Variants in ARHGEF28 observed in about 807,000 individuals in gnomAD.
The protein encoded by ARHGEF28 is 190 kDa guanine nucleotide exchange factor.
Under a neutral mutation model 206.6 loss-of-function variants are expected in ARHGEF28, and 152 were observed. The ratio of observed to expected loss-of-function variants is 0.74; its 90% confidence interval spans 0.64 to 0.84. The LOEUF (loss-of-function observed/expected upper bound fraction) is 0.84, where lower values mean the gene tolerates loss of function less well. Among genes scored for constraint, ARHGEF28 ranks in the 40% least tolerant of loss-of-function variants. The probability of loss-of-function intolerance (pLI) is 0.00; values close to 1 mark genes in which losing one functional copy is unlikely to be tolerated. For synonymous variants in ARHGEF28, 763 were observed against 776.4 expected, an observed-to-expected ratio of 0.98 and a Z score of 0.29; for missense variants, 2,028 against 2,073.2, an observed-to-expected ratio of 0.98 and a Z score of 0.42.
chr5:73,861,301 G>C (rs201959357), intron 16 of ARHGEF28, among the ~76,000 whole-genome samples: 1 of 118,854 alleles, frequency 8.4e-6, no homozygotes, highest in Admixed American at 8.1e-5. Flanking sequence ...AAAATATCTA[G>C]GATACATTTA....
At position 73,785,295 on chromosome 5, in the gene ARHGEF28, T is replaced by C. The variant is rs958887274; in HGVS notation, c.910+4550T>C. 5.9e-5 allele frequency among the ~76,000 whole-genome samples: 9 copies of C among 152,308 alleles called. No homozygotes were observed. In the South Asian group the frequency reaches 8.3e-4, roughly 14 times the overall value. On this transcript the variant is annotated intron_variant, in intron 7 of 35. Coordinates refer to ENST00000513042, the MANE Select transcript of ARHGEF28 (RefSeq NM_001177693.2). ...TTAACTTAGCAGTTCTCTAAATTAA[T>C]GGATCACACGAGAGTCCTTTTTTCG...
At chr5:73,921,664 A>T (rs1428928003) in intron 35 of ARHGEF28, among the ~76,000 whole-genome samples, 2 of 152,130 alleles carry the variant, frequency 1.3e-5, no homozygotes, top group Admixed American at 1.3e-4. Flanking sequence ...TTTTTGTACA[A>T]GTTTTATTAC....
At chr5:73,814,829 C>T (rs1756083114) in intron 9 of ARHGEF28, among the ~76,000 whole-genome samples, 1 of 152,038 alleles carries the variant, frequency 6.6e-6, no homozygotes, top group Non-Finnish European at 1.5e-5. Flanking sequence ...GGCTTGTTTG[C>T]TCTTTAGCTT....
At position 73,684,809 on chromosome 5, in the gene ARHGEF28, A is replaced by G. The variant is rs553023795; in HGVS notation, c.-11-32A>G. 2.5e-6 allele frequency: 4 copies of G among 1,599,916 alleles called. 1 individual carries two copies. The South Asian group carries it at 3.4e-5, about 14-fold the overall frequency. On this transcript the variant is annotated intron_variant, in intron 1 of 35. Transcript: ENST00000513042. ...GGTCGGTTCCATGGGGCCTCCTGCA[A>G]TAACTTCTCTTGTTTATTATTTTCA...
At chr5:73,761,100 T>C (rs1258097007) in intron 4 of ARHGEF28, among the ~76,000 whole-genome samples, 1 of 151,032 alleles carries the variant, frequency 6.6e-6, no homozygotes, top group African/African-American at 2.4e-5. Flanking sequence ...GATTCGGGAC[T>C]GTAGAAGGTT....
At chr5:73,886,515 C>G (rs1376431892) in intron 25 of ARHGEF28, among the ~76,000 whole-genome samples, 1 of 152,200 alleles carries the variant, frequency 6.6e-6, no homozygotes, top group African/African-American at 2.4e-5. Flanking sequence ...AAAAAGAACT[C>G]TGAATGTCAT....
chr5:73,803,477 GT>G (rs1259713506), intron 9 of ARHGEF28: 7 of 154,950 alleles, frequency 4.5e-5, no homozygotes, highest in Non-Finnish European at 8.8e-5. Flanking sequence ...TCCACGAAGA[GT>G]TTCTGTATGG....
At position 73,933,920 on chromosome 5, in the gene ARHGEF28, GTT is replaced by G. The variant is rs398064906; in HGVS notation, c.4949-6912_4949-6911del. The stretch of plus-strand genomic sequence containing the variant: ...AATTTCTCTGGATTGTCTCATAAAT[GTT>G]TTTTTTTTTTTCCCCCTCAGTTTGT... On this transcript the variant is annotated intron_variant, in intron 35 of 35. Transcript: ENST00000513042. Among the ~76,000 whole-genome samples, 73 of 140,032 alleles carry G rather than the reference GTT, an allele frequency of 5.2e-4. 1 individual carries two copies. Among genetic ancestry groups the G allele is most frequent in the African/African-American group, 1.8e-3 (70 of 38,044 alleles). The allele number at this position is 140,032 out of a possible 152,430, so 91.9% of individuals were successfully genotyped here. A position where few individuals can be genotyped will look rare whatever the true frequency, so the allele number is the denominator to read the frequency against.
At chr5:73,806,531 ATATC>A (rs1484681456) in intron 9 of ARHGEF28, among the ~76,000 whole-genome samples, 8 of 132,146 alleles carry the variant, frequency 6.1e-5, no homozygotes, top group Admixed American at 1.6e-4. Flanking sequence ...TATATAGTAT[ATATC>A]TATATATAGT....
At chr5:73,723,298 C>T (rs1750073072) in intron 2 of ARHGEF28, among the ~76,000 whole-genome samples, 1 of 152,190 alleles carries the variant, frequency 6.6e-6, no homozygotes, top group South Asian at 2.1e-4. Context: ...AAGCAATGCT[C>T]CTGCCTCAGC....
At chr5:73,696,161 A>AG (rs1298109256) in intron 2 of ARHGEF28, among the ~76,000 whole-genome samples, 1 of 152,146 alleles carries the variant, frequency 6.6e-6, no homozygotes, top group Non-Finnish European at 1.5e-5. Flanking sequence ...AGAATCATTG[A>AG]GGGGAGGCAA....
chr5:73,645,165 T>G (rs746732425), intron 1 of ARHGEF28, among the ~76,000 whole-genome samples: 1 of 152,020 alleles, frequency 6.6e-6, no homozygotes, highest in Non-Finnish European at 1.5e-5. Flanking sequence ...AAAATCAAAT[T>G]ATTAAGTTGT....
At chr5:73,727,243 G>C (rs553188046) in intron 2 of ARHGEF28, among the ~76,000 whole-genome samples, 1 of 152,266 alleles carries the variant, frequency 6.6e-6, no homozygotes, top group East Asian at 1.9e-4. Context: ...AGATGGGCAA[G>C]TTTCTTCTTA....
chr5:73,816,895 T>A (rs1756247804), intron 9 of ARHGEF28, among the ~76,000 whole-genome samples: 1 of 152,086 alleles, frequency 6.6e-6, no homozygotes, highest in South Asian at 2.1e-4. Context: ...ATGATTGGAG[T>A]GGGCCAGAAT....
chr5:73,727,846 A>C (rs1196825157), intron 2 of ARHGEF28, among the ~76,000 whole-genome samples: 3 of 152,152 alleles, frequency 2.0e-5, no homozygotes, highest in African/African-American at 2.4e-5. Context: ...GCAGAGGACC[A>C]TGGGGTCATC....
intron 2 of ARHGEF28, among the ~76,000 whole-genome samples, chr5:73,701,822 C>T (rs1325122247): frequency 1.3e-5 from 2 of 152,136 alleles, no homozygotes; most frequent in Admixed American, 1.3e-4. Flanking sequence ...AGTCATATTC[C>T]ATGATATAGG....
chr5:73,939,529 C>A (rs1240041932), intron 35 of ARHGEF28, among the ~76,000 whole-genome samples: 2 of 152,188 alleles, frequency 1.3e-5, no homozygotes, highest in African/African-American at 4.8e-5. Flanking sequence ...TCCTCCTTTG[C>A]TTCAGAGGCA....
At chr5:73,814,840 A>G (rs1370892227) in intron 9 of ARHGEF28, among the ~76,000 whole-genome samples, 1 of 152,154 alleles carries the variant, frequency 6.6e-6, no homozygotes, top group Non-Finnish European at 1.5e-5. Flanking sequence ...TCTTTAGCTT[A>G]GATCAAGGCC....
Position 73,835,689 on chromosome 5 carries a change from T to C in ARHGEF28, c.1146+3230T>C, listed in dbSNP as rs1757585157. Among the ~76,000 whole-genome samples, 5 of 152,294 alleles carry C rather than the reference T, an allele frequency of 3.3e-5. No individual in the cohort carries two copies. The South Asian group carries it at 1.0e-3, about 32-fold the overall frequency. ...AATGTAAGTGTTTCCCTGAGTTCTG[T>C]GAGCTGCTCTAGCAAATTGATTGAA... On this transcript the variant is annotated intron_variant, in intron 10 of 35. Transcript: ENST00000513042.
Sources: allele counts gnomAD v4.1 joint callset (sites outside exome capture counted in the v4.1 genomes callset), GRCh38; gene constraint gnomAD v4.1.1; transcripts MANE v1.5; gene names NCBI Gene and HGNC (gene_info 2026-07-23, HGNC 2026-07-21).